The following MYO16 variants were observed in gnomAD, a reference collection of about 807,000 sequenced individuals.
MYO16 encodes the protein myosin XVI, also known as unconventional myosin-XVI.
Under a neutral mutation model 205.3 loss-of-function variants are expected in MYO16, and 94 were observed. That is an observed-to-expected ratio of 0.46 (90% CI 0.39 to 0.54). MYO16 has a LOEUF of 0.54. Ranked by LOEUF, MYO16 falls within the 20% of genes least tolerant of loss-of-function variation. The pLI, the probability that MYO16 is intolerant of heterozygous loss-of-function variation, is 0.00. For synonymous variants in MYO16, 988 were observed against 954.0 expected (o/e 1.04, Z -0.66); for missense variants, 2,315 against 2,387.5 (o/e 0.97, Z 0.63).
intron 20 of MYO16, among the ~76,000 whole-genome samples, chr13:108,969,356 C>G (rs981321509): frequency 6.6e-6 from 1 of 152,038 alleles, no homozygotes; most frequent in Non-Finnish European, 1.5e-5. Context: ...CAGCTGACAC[C>G]CAATGACCAC....
At chr13:108,752,509 G>A (rs1251046439) in intron 4 of MYO16, among the ~76,000 whole-genome samples, 1 of 152,186 alleles carries the variant, frequency 6.6e-6, no homozygotes, top group Non-Finnish European at 1.5e-5. Context: ...ATTCGTCACT[G>A]GCAGAAATCC....
chr13:109,055,084 A>G lies in MYO16; in HGVS notation c.3087A>G (p.Arg1029=), dbSNP rs372330815. Residue 1029 remains arginine (R), a synonymous_variant, in exon 26 of 35, where the codon AGA becomes AGG. Transcript: ENST00000457511. This position sits in a 1 kb window ranked among gnomAD's most constrained non-coding sequence, Gnocchi z 5.0. The part of the protein sequence containing the change: ...KKKGTSTFLQ[R]LERGDPVTIA... ...AAGGAACTTCTACATTTCTTCAAAG[A>G]TTGGAACGAGGAGATCCAGTCACCA... 1.9e-6 allele frequency: 3 copies of G among 1,586,822 alleles called. No individual in the cohort carries two copies. The highest frequency in any genetic ancestry group is 1.2e-5 in the South Asian group (1 of 86,020).
At chr13:108,571,594 CTT>C in the MYO16 span, among the ~76,000 whole-genome samples, 5 of 152,042 alleles carry the variant, frequency 3.3e-5, no homozygotes, top group Admixed American at 2.0e-4. Context: ...GAGCCACTCT[CTT>C]TGAGTGAAAG....
At chr13:108,527,948 T>C in the MYO16 span, among the ~76,000 whole-genome samples, 5 of 152,246 alleles carry the variant, frequency 3.3e-5, no homozygotes, top group South Asian at 4.1e-4. Context: ...CCTTGCTTTA[T>C]GATCTGGTAT....
the MYO16 span, among the ~76,000 whole-genome samples, chr13:108,531,723 T>C: frequency 5.8e-4 from 88 of 152,180 alleles, no homozygotes; most frequent in African/African-American, 2.0e-3. Flanking sequence ...ACAGGGCCTG[T>C]AAATAAAATA....
At chr13:109,036,075 G>T (rs1352643458) in intron 23 of MYO16, among the ~76,000 whole-genome samples, 1 of 152,138 alleles carries the variant, frequency 6.6e-6, no homozygotes, top group Non-Finnish European at 1.5e-5. Context: ...CTCTCACTCG[G>T]TACAAGGCAC....
chr13:108,940,910 A>G (rs1005345424), intron 16 of MYO16, among the ~76,000 whole-genome samples: 2 of 152,254 alleles, frequency 1.3e-5, no homozygotes, highest in African/African-American at 4.8e-5. Flanking sequence ...AGCATTTAAG[A>G]AAATTCAAAG....
chr13:108,766,648 A>G (rs1194279226), intron 4 of MYO16, among the ~76,000 whole-genome samples: 1 of 152,232 alleles, frequency 6.6e-6, no homozygotes, highest in Non-Finnish European at 1.5e-5. Flanking sequence ...ATAGCGCCCA[A>G]CAAGATGTGC....
chr13:109,140,490 C>T lies in MYO16; in HGVS notation c.4278C>T (p.Asp1426=). Residue 1426 remains aspartate (D), a synonymous_variant, in exon 32 of 35, where the codon GAC becomes GAT. Coordinates refer to ENST00000457511, the MANE Select transcript of MYO16 (RefSeq NM_001198950.3). The surrounding 1 kb of genome is among the most constrained non-coding windows in gnomAD (Gnocchi z 8.0). ...TGCCCCCGGCGGCGCCTCCGGGTGA[C>T]GAGGACGACAGCGAGCCTGTGTACA... ...CALPPAAPPG[D]EDDSEPVYIE... 6.5e-7 allele frequency: 1 copy of T among 1,544,596 alleles called. No homozygotes were observed. The highest frequency in any genetic ancestry group is 1.4e-5 in the African/African-American group (1 of 71,220).
chr13:108,825,228 A>C (rs1876187823), intron 9 of MYO16, among the ~76,000 whole-genome samples: 1 of 152,102 alleles, frequency 6.6e-6, no homozygotes, highest in Non-Finnish European at 1.5e-5. Flanking sequence ...ACAAGAAAGC[A>C]AGGCTGAGCA....
At position 109,125,149 on chromosome 13, in the gene MYO16, G is replaced by C. The variant is rs1237289695; in HGVS notation, c.3573G>C (p.Gln1191His). ...RGFLARQHLLQRISIRQQEVT... is the reference protein window; with the variant it reads ...RGFLARQHLLHRISIRQQEVT... ...TTTTAGCACGCCAGCACCTGCTTCA[G>C]AGAATAAGCATCAGACAACAAGAGG... Residue 1191 changes from glutamine to histidine, a missense_variant, in exon 30 of 35, where the codon CAG (glutamine) becomes CAC (histidine). Gln to His is a conservative substitution (Grantham distance 24). Transcript: ENST00000457511. This position sits in a 1 kb window ranked among gnomAD's most constrained non-coding sequence, Gnocchi z 4.0. The C allele has an allele frequency of 6.2e-7, 1 of 1,613,976 alleles. No homozygotes were observed. Among genetic ancestry groups the C allele is most frequent in the Non-Finnish European group, 8.5e-7 (1 of 1,180,004 alleles).
chr13:108,911,637 G>C (rs1370408451), intron 16 of MYO16, among the ~76,000 whole-genome samples: 5 of 152,172 alleles, frequency 3.3e-5, no homozygotes, highest in African/African-American at 9.7e-5. Flanking sequence ...GAGTTGTCTG[G>C]AAGTGATTGG....
upstream of MYO16, among the ~76,000 whole-genome samples, chr13:108,627,674 T>A (rs996636712): frequency 6.6e-6 from 1 of 152,178 alleles, no homozygotes; most frequent in African/African-American, 2.4e-5. Context: ...ATGCCTTAAG[T>A]TATTGAAAAA....
At chr13:108,773,693 G>T (rs1886039003) in intron 4 of MYO16, among the ~76,000 whole-genome samples, 1 of 152,156 alleles carries the variant, frequency 6.6e-6, no homozygotes, top group Admixed American at 6.5e-5. Flanking sequence ...ACAGGTACTT[G>T]GGGGTAAGGC....
the MYO16 span, among the ~76,000 whole-genome samples, chr13:108,582,768 C>G: frequency 7.2e-5 from 11 of 152,002 alleles, no homozygotes; most frequent in African/African-American, 1.2e-4. Flanking sequence ...TCTCACAAAA[C>G]GAAGGCAAAC....
chr13:108,742,043 A>C (rs1884927126), intron 4 of MYO16, among the ~76,000 whole-genome samples: 1 of 152,122 alleles, frequency 6.6e-6, no homozygotes, highest in Non-Finnish European at 1.5e-5. Context: ...GCTAAGCTGG[A>C]GTGCAGTAGC....
chr13:108,913,021 C>T (rs1881334726), intron 16 of MYO16, among the ~76,000 whole-genome samples: 2 of 152,120 alleles, frequency 1.3e-5, no homozygotes, highest in African/African-American at 4.8e-5. Flanking sequence ...AGCTTCAATT[C>T]TGACATTCAT....
chr13:108,925,380 C>T (rs377693134), intron 16 of MYO16, among the ~76,000 whole-genome samples: 3 of 152,116 alleles, frequency 2.0e-5, no homozygotes, highest in Non-Finnish European at 4.4e-5. Flanking sequence ...CTGAACCTCA[C>T]CTTTTACTTA....
intron 4 of MYO16, among the ~76,000 whole-genome samples, chr13:108,767,099 G>T (rs1366804196): frequency 1.3e-5 from 2 of 151,710 alleles, no homozygotes; most frequent in Non-Finnish European, 2.9e-5. Context: ...TTGTTTGTTT[G>T]TTTTGTTTTG....
Sources: allele counts gnomAD v4.1 joint callset (sites outside exome capture counted in the v4.1 genomes callset), GRCh38; gene constraint gnomAD v4.1.1; non-coding constraint Gnocchi (gnomAD v3.1); transcripts MANE v1.5; gene names NCBI Gene and HGNC (gene_info 2026-07-23, HGNC 2026-07-21).